Variants in PCNT observed in about 807,000 individuals in gnomAD.
PCNT encodes kendrin.
In PCNT, 319 loss-of-function variants were observed where a neutral mutation model predicts 380.4. That is an observed-to-expected ratio of 0.84 (90% CI 0.77 to 0.92). PCNT has a LOEUF of 0.92. Among genes scored for constraint, PCNT ranks in the 40% least tolerant of loss-of-function variants. PCNT has a pLI of 0.00. For missense variants in PCNT, 4,400 were observed against 4,255.3 expected, an observed-to-expected ratio of 1.03 and a Z score of -0.95; for synonymous variants, 1,845 against 1,735.2, an observed-to-expected ratio of 1.06 and a Z score of -1.57.
chr21:46,358,014 C>T (rs537073522), intron 13 of PCNT, among the ~76,000 whole-genome samples: 5 of 152,350 alleles, frequency 3.3e-5, no homozygotes, highest in South Asian at 2.1e-4. Context: ...TTGGTTACAG[C>T]CAGGGCAGCT....
chr21:46,413,002 G>A lies in PCNT; in HGVS notation c.6150+10G>A, dbSNP rs886057186. Reference sequence around the variant, plus strand: ...GGAGGACGGCGGCAAGGTGTGGGGAGGGGGGAAGGCGCGAGGTCCCCCCGG... The same window carrying A: ...GGAGGACGGCGGCAAGGTGTGGGGAAGGGGGAAGGCGCGAGGTCCCCCCGG... On this transcript the variant is annotated intron_variant, in intron 29 of 46. Transcript: ENST00000359568. The A allele has an allele frequency of 2.5e-6, 4 of 1,602,652 alleles. No homozygotes were observed. Among genetic ancestry groups the A allele is most frequent in the Non-Finnish European group, 3.4e-6 (4 of 1,178,100 alleles).
chr21:46,411,038 C>G, intron 27 of PCNT, 151 bp from the exon 28 acceptor site: 1 of 800,786 alleles, frequency 1.2e-6, no homozygotes, highest in South Asian at 1.5e-5. Flanking sequence ...GGAGTGCATC[C>G]GGCACCAGCA....
chr21:46,444,675 TGTGGTAA>T lies in PCNT; in HGVS notation c.9840-18_9840-12del. ...TTTTTTTTTTTTTTTCTTCTCTTGG[TGTGGTAA>T]TTTGTTTGAAGAGCCACTCCATCCC... On this transcript the variant is annotated splice_polypyrimidine_tract_variant and intron_variant, in intron 45 of 46. Coordinates refer to ENST00000359568, the MANE Select transcript of PCNT (RefSeq NM_006031.6). 1.9e-6 allele frequency: 3 copies of T among 1,543,674 alleles called. No homozygotes were observed. The highest frequency in any genetic ancestry group is 3.4e-5 in the Admixed American group (2 of 58,472).
intron 44 of PCNT, chr21:46,443,050 C>G (rs1171041096): frequency 9.6e-6 from 2 of 208,078 alleles, no homozygotes; most frequent in South Asian, 7.1e-5. Context: ...TCCAGGGGCT[C>G]TTGTCCCAGA....
intron 29 of PCNT, 42 bp from the exon 30 acceptor site, chr21:46,416,026 GA>G: frequency 6.2e-7 from 1 of 1,604,990 alleles, no homozygotes; most frequent in Non-Finnish European, 8.5e-7. Flanking sequence ...GACTCCTGGT[GA>G]GCCAGGTATT....
rs113205962 is a variant in PCNT, at chr21:46,413,086, G to A, written c.6150+94G>A. Reference sequence around the variant, plus strand: ...AGCGGGGAAGGCACGAGGCCCACCCGGGAGAGGCTGGACACGCGGCAGCAA... The same window carrying A: ...AGCGGGGAAGGCACGAGGCCCACCCAGGAGAGGCTGGACACGCGGCAGCAA... On this transcript the variant is annotated intron_variant, in intron 29 of 46. Transcript: ENST00000359568. 21 of 527,050 alleles carry A rather than the reference G, an allele frequency of 4.0e-5. No individual in the cohort carries two copies. In the African/African-American group the frequency reaches 5.2e-4, roughly 13 times the overall value. The allele number at this position is 527,050 out of a possible 1,614,324, so 32.6% of individuals were successfully genotyped here. A position where few individuals can be genotyped will look rare whatever the true frequency, so the allele number is the denominator to read the frequency against.
At chr21:46,410,592 TC>T (rs1337091521) in intron 27 of PCNT, among the ~76,000 whole-genome samples, 1 of 152,248 alleles carries the variant, frequency 6.6e-6, no homozygotes, top group East Asian at 1.9e-4. Context: ...GTTTCAATTT[TC>T]CTGTCTTTAA....
chr21:46,333,199 C>T (rs866471634), intron 2 of PCNT, among the ~76,000 whole-genome samples: 2 of 152,052 alleles, frequency 1.3e-5, no homozygotes, highest in Non-Finnish European at 2.9e-5. Context: ...TTTGGGAGGC[C>T]GAGTTGGGCA....
At chr21:46,386,014 T>C (rs1471994013) in intron 17 of PCNT, 31 bp downstream of exon 17, 1 of 1,612,638 alleles carries the variant, frequency 6.2e-7, no homozygotes, top group Admixed American at 1.7e-5. Flanking sequence ...GAGGCTGCCT[T>C]GTGGCCGCCA....
intron 3 of PCNT, 26 bp from the exon 4 acceptor site, chr21:46,346,102 C>G (rs368864131): frequency 1.9e-6 from 3 of 1,607,310 alleles, no homozygotes; most frequent in Non-Finnish European, 2.6e-6. Context: ...AATTCTGGAC[C>G]TACATTCTTT....
At chr21:46,407,344 T>TTTTTTTA (rs2086649708) in intron 27 of PCNT, among the ~76,000 whole-genome samples, 1 of 138,168 alleles carries the variant, frequency 7.2e-6, no homozygotes, top group South Asian at 2.3e-4. Flanking sequence ...CTTTCTCTTT[T>TTTTTTTA]TTTTTTTTTT....
chr21:46,411,306 G>T lies in PCNT; in HGVS notation c.5233G>T (p.Val1745Phe). 6.2e-7 allele frequency: 1 copy of T among 1,614,202 alleles called. No individual in the cohort carries two copies. The highest frequency in any genetic ancestry group is 8.5e-7 in the Non-Finnish European group (1 of 1,180,030). The change falls in exon 28 of 47, where the codon GTC becomes TTC. Residue 1745 changes from valine (V) to phenylalanine (F), a missense_variant. Val to Phe is a conservative substitution (Grantham distance 50). Transcript: ENST00000359568. Reference protein sequence around the residue: ...KAEEIEQLHEVIEKLQHELSL... With the variant: ...KAEEIEQLHEFIEKLQHELSL... ...AGAGGAAATTGAACAACTCCATGAA[G>T]TCATTGAGAAGCTGCAGCACGAGCT...
chr21:46,333,364 A>G (rs9980222), intron 2 of PCNT, among the ~76,000 whole-genome samples: 89,376 of 149,796 alleles, frequency 0.6, 27,499 homozygotes, highest in Non-Finnish European at 0.68. Context: ...CCCGGGAGGC[A>G]GAGCTTACAG....
chr21:46,403,093 T>C (rs1375923105), intron 27 of PCNT, among the ~76,000 whole-genome samples: 1 of 152,186 alleles, frequency 6.6e-6, no homozygotes, highest in East Asian at 1.9e-4. Flanking sequence ...TTGTGTAGAA[T>C]CGTGTGTGTG....
intron 26 of PCNT, 72 bp downstream of exon 26, chr21:46,401,793 C>A (rs538126671): frequency 1.4e-6 from 2 of 1,424,474 alleles, no homozygotes; most frequent in African/African-American, 1.4e-5. Flanking sequence ...GTGGCAGATC[C>A]GATGTCCAGA....
chr21:46,365,905 C>T (rs1464843330), intron 14 of PCNT, among the ~76,000 whole-genome samples: 1 of 146,170 alleles, frequency 6.8e-6, no homozygotes, highest in Non-Finnish European at 1.5e-5. Flanking sequence ...GTTCTGTTCA[C>T]TGCCATGGGG....
At chr21:46,365,681 CATGGGGTTCTCCTCACTGCT>C (rs2084896503) in intron 14 of PCNT, among the ~76,000 whole-genome samples, 2 of 143,168 alleles carry the variant, frequency 1.4e-5, no homozygotes, top group Non-Finnish European at 1.5e-5. Flanking sequence ...CATTCACTGC[CATGGGGTTCTCCTCACTGCT>C]GTGGGGTTCT....
intron 16 of PCNT, among the ~76,000 whole-genome samples, chr21:46,385,466 C>G (rs1036881196): frequency 6.6e-6 from 1 of 152,218 alleles, no homozygotes; most frequent in Admixed American, 6.5e-5. Context: ...CTGGCCCCTT[C>G]CCTCCCCTAG....
chr21:46,424,130 C>T (rs1216434470), intron 32 of PCNT, among the ~76,000 whole-genome samples: 4 of 152,188 alleles, frequency 2.6e-5, no homozygotes, highest in Non-Finnish European at 5.9e-5. Flanking sequence ...CAGATGCAGC[C>T]ACAGACGCCA....
Sources: allele counts gnomAD v4.1 joint callset (sites outside exome capture counted in the v4.1 genomes callset), GRCh38; gene constraint gnomAD v4.1.1; transcripts MANE v1.5; gene names NCBI Gene and HGNC (gene_info 2026-07-23, HGNC 2026-07-21).